Variants in ARPIN observed in about 807,000 individuals in gnomAD.
ARPIN encodes UPF0552 protein C15orf38.
ARPIN carries 23 observed loss-of-function variants against 25.9 expected under a neutral mutation model. That is an observed-to-expected ratio of 0.89 (90% CI 0.64 to 1.26). The LOEUF (loss-of-function observed/expected upper bound fraction) is 1.26. Ranked by LOEUF, ARPIN falls within the 50% of genes most tolerant of loss-of-function variation. ARPIN has a pLI of 0.00. For synonymous variants in ARPIN, 126 were observed against 131.4 expected (o/e 0.96, Z 0.28); for missense variants, 333 against 312.2 (o/e 1.07, Z -0.50).
intron 3 of ARPIN, among the ~76,000 whole-genome samples, chr15:89,905,332 G>A (rs1897101126): frequency 6.6e-6 from 1 of 151,788 alleles, no homozygotes. Flanking sequence ...ATCAACTCAC[G>A]TCTGACCACA....
intron 3 of ARPIN, among the ~76,000 whole-genome samples, chr15:89,906,828 C>A (rs1198630321): frequency 6.6e-6 from 1 of 151,862 alleles, no homozygotes; most frequent in Non-Finnish European, 1.5e-5. Context: ...GAATGTATCC[C>A]CCAAAATTCG....
In ARPIN at chr15:89,896,686, T is replaced by A. The variant is rs1363497985; in HGVS notation, c.*5109A>T. On this transcript the variant is annotated 3_prime_UTR_variant, in exon 6 of 6. Transcript: ENST00000357484. ...TTTAAAATGCAAATAACTGATAAAC[T>A]AAAAAGATAACACTCCCCATCTCCC... The A allele has an allele frequency of 1.3e-5, 2 of 151,852 alleles. No individual in the cohort carries two copies. Among genetic ancestry groups the A allele is most frequent in the Admixed American group, 1.3e-4 (2 of 15,242 alleles). 9.4% of individuals were successfully genotyped at this position (151,852 alleles called of 1,614,324 possible).
chr15:89,905,146 C>G (rs1047451204), intron 3 of ARPIN, among the ~76,000 whole-genome samples: 3 of 152,024 alleles, frequency 2.0e-5, no homozygotes, highest in African/African-American at 7.2e-5. Flanking sequence ...CTTAGCCTTC[C>G]GAGTAGATGG....
Position 89,900,400 on chromosome 15 carries a change from G to A in ARPIN, c.*1395C>T, listed in dbSNP as rs1385819799. The A allele has an allele frequency of 6.6e-6, 1 of 152,256 alleles. No individual in the cohort carries two copies. Among genetic ancestry groups the A allele is most frequent in the East Asian group, 1.9e-4 (1 of 5,208 alleles). 9.4% of individuals were successfully genotyped at this position (152,256 alleles called of 1,614,324 possible). On this transcript the variant is annotated 3_prime_UTR_variant, in exon 6 of 6. Transcript: ENST00000357484. The stretch of plus-strand genomic sequence containing the variant: ...AGACCCTTTTCCTGCTCTGTAATAT[G>A]AATAGTCCGGTAGTTAAGAATGTGG...
chr15:89,896,463 A>G lies in ARPIN; in HGVS notation c.*5332T>C, dbSNP rs979202632. ...GTAAATACTATTAGGATAACTGGTT[A>G]GCAATTTGAAAATAAGTAGTTAGGT... is the stretch of plus-strand genomic sequence containing the variant. On this transcript the variant is annotated 3_prime_UTR_variant, in exon 6 of 6. Transcript: ENST00000357484. 1.3e-5 allele frequency: 2 copies of G among 152,250 alleles called. No homozygotes were observed. Among genetic ancestry groups the G allele is most frequent in the Non-Finnish European group, 2.9e-5 (2 of 68,036 alleles). 9.4% of individuals were successfully genotyped at this position (152,250 alleles called of 1,614,324 possible).
rs1384498957 is a variant in ARPIN at position 89,896,780 on chromosome 15, T to G, written c.*5015A>C. On this transcript the variant is annotated 3_prime_UTR_variant, in exon 6 of 6. Coordinates refer to ENST00000357484, the MANE Select transcript of ARPIN (RefSeq NM_182616.4). ...ACAGCTAGGAAAAGGAAAAAATGTT[T>G]AAGCTCACTATAAGTGGGGGAAAGG... The G allele has an allele frequency of 6.6e-6, 1 of 152,200 alleles. No homozygotes were observed. Among genetic ancestry groups the G allele is most frequent in the Non-Finnish European group, 1.5e-5 (1 of 68,034 alleles). 9.4% of individuals were successfully genotyped at this position (152,200 alleles called of 1,614,324 possible).
rs1896942209 is a variant in ARPIN at position 89,897,113 on chromosome 15, T to C, written c.*4682A>G. 6.6e-6 allele frequency: 1 copy of C among 152,242 alleles called. No individual in the cohort carries two copies. Among genetic ancestry groups the C allele is most frequent in the Non-Finnish European group, 1.5e-5 (1 of 68,048 alleles). The allele number at this position is 152,242 out of a possible 1,614,324, so 9.4% of individuals were successfully genotyped here. The stretch of plus-strand genomic sequence containing the variant: ...TCAACATTTTTGGAAACATTAATTC[T>C]GTTAGCCACACAGGGATCAATTTTA... On this transcript the variant is annotated 3_prime_UTR_variant, in exon 6 of 6. Coordinates refer to ENST00000357484, the MANE Select transcript of ARPIN (RefSeq NM_182616.4).
Position 89,901,756 on chromosome 15 carries a change from T to C in ARPIN, c.*39A>G, listed in dbSNP as rs1330149615. 3.1e-6 allele frequency: 5 copies of C among 1,608,964 alleles called. No individual in the cohort carries two copies. In the African/African-American group the frequency reaches 5.3e-5, roughly 17 times the overall value. On this transcript the variant is annotated 3_prime_UTR_variant, in exon 6 of 6. Coordinates refer to ENST00000357484, the MANE Select transcript of ARPIN (RefSeq NM_182616.4). ...TCATGGAAGAAATGTTCCACAATGC[T>C]ACAGAAGGTGCTGGTGCCCCCAGAG...
intron 1 of ARPIN, chr15:89,912,412 G>C (rs1005077440): frequency 2.6e-6 from 3 of 1,133,596 alleles, no homozygotes; most frequent in Non-Finnish European, 2.2e-6. Context: ...GCGGCAAGTA[G>C]CTGGAGTTTA....
rs1455165153 is a variant in ARPIN at position 89,912,865 on chromosome 15, G to A, written c.-30C>T. On this transcript the variant is annotated 5_prime_UTR_variant, in exon 1 of 6. Coordinates refer to ENST00000357484, the MANE Select transcript of ARPIN (RefSeq NM_182616.4). Reference sequence around the variant, plus strand: ...CCGACCGCCCGGGCACCCCGGCACAGAGCCGGCGCACTGGGCTGGGGGCGC... The same window carrying A: ...CCGACCGCCCGGGCACCCCGGCACAAAGCCGGCGCACTGGGCTGGGGGCGC... The A allele has an allele frequency of 1.5e-5, 23 of 1,509,968 alleles. No individual in the cohort carries two copies. Among genetic ancestry groups the A allele is most frequent in the Non-Finnish European group, 2.0e-5 (23 of 1,133,628 alleles). The allele number at this position is 1,509,968 out of a possible 1,614,324, so 93.5% of individuals were successfully genotyped here.
chr15:89,902,716 A>T (rs1051339965), intron 5 of ARPIN: 5 of 407,722 alleles, frequency 1.2e-5, no homozygotes, highest in African/African-American at 1.1e-4. Flanking sequence ...AAAAAAAGAG[A>T]AAAGAAATGA....
intron 3 of ARPIN, among the ~76,000 whole-genome samples, chr15:89,907,792 C>T (rs1042088933): frequency 9.2e-5 from 14 of 152,084 alleles, no homozygotes; most frequent in Non-Finnish European, 1.5e-4. Context: ...CATAGCAAAA[C>T]CCAGCCACTA....
In ARPIN at chr15:89,900,168, G is replaced by C. The variant is rs1412742378; in HGVS notation, c.*1627C>G. On this transcript the variant is annotated 3_prime_UTR_variant, in exon 6 of 6. Coordinates refer to ENST00000357484, the MANE Select transcript of ARPIN (RefSeq NM_182616.4). ...CATGGCTGAGGTCCCAGCATGGCCT[G>C]CCTGTGAGAAAGTCCCATTCAGACA... The C allele has an allele frequency of 6.6e-6, 1 of 152,318 alleles. No individual in the cohort carries two copies. The highest frequency in any genetic ancestry group is 2.4e-5 in the African/African-American group (1 of 41,438). 9.4% of individuals were successfully genotyped at this position (152,318 alleles called of 1,614,324 possible).
chr15:89,908,474 C>A, intron 2 of ARPIN, 62 bp from the exon 3 acceptor site: 1 of 1,596,014 alleles, frequency 6.3e-7, no homozygotes, highest in Non-Finnish European at 8.6e-7. Flanking sequence ...ACACTCTGGG[C>A]TCCGGCTGCA....
chr15:89,901,297 G>A lies in ARPIN; in HGVS notation c.*498C>T, dbSNP rs551707588. 5 of 169,150 alleles carry A rather than the reference G, an allele frequency of 3.0e-5. No individual in the cohort carries two copies. The highest frequency in any genetic ancestry group is 1.5e-4 in the South Asian group (1 of 6,564). 10.5% of individuals were successfully genotyped at this position (169,150 alleles called of 1,614,324 possible). ...TTAGACAAGGGATATTCCCCACTCC[G>A]CACCAATACCAGGTCCAGTTACTCT... On this transcript the variant is annotated 3_prime_UTR_variant, in exon 6 of 6. Transcript: ENST00000357484.
At position 89,912,449 on chromosome 15, in the gene ARPIN, A is replaced by C. The variant is rs1282943673; in HGVS notation, c.92+295T>G. The C allele has an allele frequency of 1.1e-5, 14 of 1,219,054 alleles. No individual in the cohort carries two copies. In the East Asian group the frequency reaches 4.6e-4, roughly 40 times the overall value. The allele number at this position is 1,219,054 out of a possible 1,614,324, so 75.5% of individuals were successfully genotyped here. On this transcript the variant is annotated intron_variant, in intron 1 of 5. Transcript: ENST00000357484. ...AGTTACGCGGGTGGGGTGGGGCCGGAGGTCGGCGTGAGGCGAAGCCCAGCC... is the reference window on the plus strand; with the variant it reads ...AGTTACGCGGGTGGGGTGGGGCCGGCGGTCGGCGTGAGGCGAAGCCCAGCC...
intron 5 of ARPIN, among the ~76,000 whole-genome samples, 172 bp from the exon 6 acceptor site, chr15:89,901,975 T>C (rs1897029062): frequency 6.6e-6 from 1 of 152,160 alleles, no homozygotes; most frequent in Admixed American, 6.5e-5. Context: ...TTGGACTGTT[T>C]TTCAGTCCAA....
chr15:89,905,542 C>G (rs1168936604), intron 3 of ARPIN, among the ~76,000 whole-genome samples: 2 of 152,092 alleles, frequency 1.3e-5, no homozygotes, highest in African/African-American at 4.8e-5. Context: ...CCATGTACCC[C>G]CACCAGAGTC....
intron 2 of ARPIN, among the ~76,000 whole-genome samples, chr15:89,910,123 G>A (rs919106308): frequency 5.9e-5 from 9 of 152,178 alleles, no homozygotes; most frequent in Admixed American, 3.9e-4. Context: ...GTTCTCATGG[G>A]GTACAGGAGG....
Sources: gnomAD v4.1 joint callset for allele counts (sites outside exome capture counted in the v4.1 genomes callset) on GRCh38, gnomAD v4.1.1 for gene constraint, MANE v1.5 for transcripts, NCBI Gene and HGNC (gene_info 2026-07-23, HGNC 2026-07-21) for gene names.